RNGTT: variants seen among roughly 807,000 people sequenced by gnomAD.
The protein encoded by RNGTT is mRNA-capping enzyme.
In RNGTT, 33 loss-of-function variants were observed where a neutral mutation model predicts 79.3. The ratio of observed to expected loss-of-function variants is 0.42; its 90% CI spans 0.32 to 0.56. RNGTT has a LOEUF of 0.56. Among genes scored for constraint, RNGTT ranks in the 20% least tolerant of loss-of-function variants. The pLI is 0.17. For synonymous variants in RNGTT, 222 were observed against 235.9 expected, an observed-to-expected ratio of 0.94 and a Z score of 0.54; for missense variants, 497 against 739.1, an observed-to-expected ratio of 0.67 and a Z score of 3.80.
At chr6:88,758,411 C>A (rs763095382) in intron 13 of RNGTT, among the ~76,000 whole-genome samples, 5 of 152,142 alleles carry the variant, frequency 3.3e-5, no homozygotes, top group African/African-American at 4.8e-5. Context: ...ACAAGGCAAG[C>A]CTCAGAGCTA....
chr6:88,689,386 C>T lies in RNGTT; in HGVS notation c.1440-10967G>A, dbSNP rs539305548. Among the ~76,000 whole-genome samples, 21 of 152,146 alleles carry T rather than the reference C, an allele frequency of 1.4e-4. No homozygotes were observed. In the South Asian group the frequency reaches 3.7e-3, roughly 27 times the overall value. ...AGGTGGGCAGATCACCTAAGGTCAG[C>T]GGTTCGAGACCAGCCTGACCGATGT... On this transcript the variant is annotated intron_variant, in intron 13 of 15. Coordinates refer to ENST00000369485, the MANE Select transcript of RNGTT (RefSeq NM_003800.5).
intron 8 of RNGTT, among the ~76,000 whole-genome samples, chr6:88,883,032 C>T (rs2127928901): frequency 6.6e-6 from 1 of 152,172 alleles, no homozygotes; most frequent in Admixed American, 6.5e-5. Context: ...CTCTAATCTT[C>T]CCAAAACATT....
intron 13 of RNGTT, among the ~76,000 whole-genome samples, chr6:88,769,452 G>A (rs555222838): frequency 2.0e-5 from 3 of 151,932 alleles, no homozygotes; most frequent in East Asian, 1.9e-4. Context: ...GAGCCACCAC[G>A]CCCAGCCAAA....
chr6:88,775,326 T>C (rs1778840443), intron 12 of RNGTT, among the ~76,000 whole-genome samples: 1 of 152,212 alleles, frequency 6.6e-6, no homozygotes, highest in Non-Finnish European at 1.5e-5. Context: ...TGCTGTACAT[T>C]AGACCTCCAG....
rs539439848 is a variant in RNGTT, at chr6:88,663,539, G to A, written c.1506+14814C>T. Among the ~76,000 whole-genome samples, 9 of 152,228 alleles carry A rather than the reference G, an allele frequency of 5.9e-5. No individual in the cohort carries two copies. The East Asian group carries it at 9.7e-4, about 16-fold the overall frequency. ...GCCAAGGAAAAGTCTTGCTCCACCC[G>A]CCGAGGGAAGTCAGCTCCTACGGTT... On this transcript the variant is annotated intron_variant, in intron 14 of 15. Transcript: ENST00000369485.
intron 14 of RNGTT, among the ~76,000 whole-genome samples, chr6:88,617,998 T>C (rs1473700052): frequency 6.6e-6 from 1 of 152,156 alleles, no homozygotes; most frequent in Non-Finnish European, 1.5e-5. Context: ...GTCAACAATG[T>C]GTAGTCTGCA....
Position 88,844,500 on chromosome 6 carries a change from C to T in RNGTT, c.1126G>A (p.Asp376Asn). Reference sequence around the variant, plus strand: ...ATACACTGCAGACGAACATTAAAATCACAATCTCCAACGGGCTGTGACTGA... The same window carrying T: ...ATACACTGCAGACGAACATTAAAATTACAATCTCCAACGGGCTGTGACTGA... ...KFNSQPVGDC[D>N]FNVRLQCIER... The change falls in exon 11 of 16, where the codon GAT (aspartate) becomes AAT (asparagine). Residue 376 changes from aspartate (D) to asparagine (N), a missense_variant. Physicochemically the swap from Asp to Asn is conservative, Grantham distance 23 (BLOSUM62 1). Around this residue, in one of 3 missense-constraint regions of RNGTT, gnomAD observed 440 missense variants for 671.5 expected, o/e 0.66. Coordinates refer to ENST00000369485, the MANE Select transcript of RNGTT (RefSeq NM_003800.5). The T allele has an allele frequency of 1.9e-6, 3 of 1,610,242 alleles. No homozygotes were observed. Among genetic ancestry groups the T allele is most frequent in the Non-Finnish European group, 2.5e-6 (3 of 1,179,056 alleles).
At chr6:88,903,954 A>T (rs1017944764) in intron 6 of RNGTT, among the ~76,000 whole-genome samples, 1 of 152,306 alleles carries the variant, frequency 6.6e-6, no homozygotes, top group African/African-American at 2.4e-5. Flanking sequence ...TTTCTAGAAG[A>T]TTATTAAAGG....
rs185873029 is a variant in RNGTT at position 88,665,864 on chromosome 6, T to C, written c.1506+12489A>G. ...GGGTGCGTCAAAGGAACAGACGCCC[T>C]GCTTCAGCACCTGGAGGACTATGGG... On this transcript the variant is annotated intron_variant, in intron 14 of 15. Transcript: ENST00000369485. Among the ~76,000 whole-genome samples, 295 of 152,348 alleles carry C rather than the reference T, an allele frequency of 1.9e-3. 4 individuals carry two copies. Among genetic ancestry groups the C allele is most frequent in the African/African-American group, 7.0e-3 (289 of 41,582 alleles).
chr6:88,810,883 T>C (rs1046234631), intron 11 of RNGTT, among the ~76,000 whole-genome samples: 19 of 152,202 alleles, frequency 1.2e-4, no homozygotes, highest in Non-Finnish European at 2.6e-4. Context: ...CTTCCAATGC[T>C]AGAAACCAAG....
At chr6:88,889,687 CA>C (rs1380525711) in intron 8 of RNGTT, among the ~76,000 whole-genome samples, 1 of 151,630 alleles carries the variant, frequency 6.6e-6, no homozygotes, top group Non-Finnish European at 1.5e-5. Context: ...GTAATAGATG[CA>C]AAAAAATATG....
intron 10 of RNGTT, among the ~76,000 whole-genome samples, chr6:88,845,862 T>C (rs980076343): frequency 2.0e-5 from 3 of 152,230 alleles, no homozygotes; most frequent in Non-Finnish European, 4.4e-5. Context: ...ATACAGTCCA[T>C]GTGTCATCTC....
At chr6:88,620,227 T>C (rs1772393131) in intron 14 of RNGTT, among the ~76,000 whole-genome samples, 1 of 152,234 alleles carries the variant, frequency 6.6e-6, no homozygotes, top group Non-Finnish European at 1.5e-5. Context: ...TTCAGTCAGA[T>C]ACGCAACTAA....
chr6:88,833,232 T>C (rs949048457), intron 11 of RNGTT, among the ~76,000 whole-genome samples: 6 of 152,202 alleles, frequency 3.9e-5, no homozygotes, highest in African/African-American at 1.4e-4. Flanking sequence ...CACCATGGAA[T>C]ACTATGCAGC....
intron 8 of RNGTT, among the ~76,000 whole-genome samples, chr6:88,888,883 G>A (rs2127933271): frequency 6.6e-6 from 1 of 152,232 alleles, no homozygotes; most frequent in Non-Finnish European, 1.5e-5. Flanking sequence ...TACAAAATAA[G>A]CCAGGTGTGG....
At position 88,823,799 on chromosome 6, in the gene RNGTT, A is replaced by G. The variant is rs563005710; in HGVS notation, c.1269+20558T>C. Among the ~76,000 whole-genome samples the G allele has an allele frequency of 3.9e-3, 598 of 151,594 alleles. 2 individuals are homozygous for G. The highest frequency in any genetic ancestry group is 5.6e-3 in the Non-Finnish European group (380 of 67,916). On this transcript the variant is annotated intron_variant, in intron 11 of 15. Coordinates refer to ENST00000369485, the MANE Select transcript of RNGTT (RefSeq NM_003800.5). ...TTTTTTCTAAATAAAATGTTGTTGG[A>G]AAAAAAATCAAAGATCAGGCTAACA...
intron 11 of RNGTT, among the ~76,000 whole-genome samples, chr6:88,806,432 C>T (rs1406343852): frequency 1.3e-5 from 2 of 151,644 alleles, no homozygotes; most frequent in Non-Finnish European, 2.9e-5. Context: ...ATTCTCCTGC[C>T]TCGGCCTCCT....
chr6:88,777,345 CA>C (rs1778922491), intron 12 of RNGTT, among the ~76,000 whole-genome samples: 1 of 152,152 alleles, frequency 6.6e-6, no homozygotes, highest in African/African-American at 2.4e-5. Flanking sequence ...TAGTCCCCTA[CA>C]AATTTTAGAA....
At chr6:88,934,601 G>A (rs980472535) in intron 2 of RNGTT, among the ~76,000 whole-genome samples, 9 of 152,026 alleles carry the variant, frequency 5.9e-5, no homozygotes, top group African/African-American at 2.2e-4. Context: ...TATTCAGTAG[G>A]TTGTTATTTC....
Sources: allele counts gnomAD v4.1 joint callset (sites outside exome capture counted in the v4.1 genomes callset), GRCh38; gene constraint gnomAD v4.1.1; regional missense constraint gnomAD v4.1.1; transcripts MANE v1.5; gene names NCBI Gene and HGNC (gene_info 2026-07-23, HGNC 2026-07-21).